The following PIP5K1C variants were observed in gnomAD, a reference collection of about 807,000 sequenced individuals.
PIP5K1C encodes phosphatidylinositol 4-phosphate 5-kinase type-1 gamma.
A neutral mutation model predicts 80.1 loss-of-function variants in PIP5K1C; 45 were observed. That is an observed-to-expected ratio of 0.56 (90% CI 0.44 to 0.72). The LOEUF (loss-of-function observed/expected upper bound fraction) is 0.72. PIP5K1C is among the 30% of genes least tolerant of loss of function. PIP5K1C has a pLI of 0.00. For synonymous variants in PIP5K1C, 498 were observed against 420.1 expected, an observed-to-expected ratio of 1.19 and a Z score of -2.27; for missense variants, 753 against 954.6, an observed-to-expected ratio of 0.79 and a Z score of 2.78.
rs2033835696 is a variant in PIP5K1C, at chr19:3,638,984, G to C, written c.1820C>G (p.Ala607Gly). 6.2e-7 allele frequency: 1 copy of C among 1,611,678 alleles called. No individual in the cohort carries two copies. The highest frequency in any genetic ancestry group is 1.3e-5 in the African/African-American group (1 of 74,852). ...CTGGCTGGCAGTTTCTACTTCAACA[G>C]CAGCAGAGGCACCGGCCGGGGAAGC... is the stretch of plus-strand genomic sequence containing the variant. ...VEASPAGASA[A>G]VEVETASQAS... is the part of the protein sequence containing the mutation. Residue 607 changes from alanine to glycine, a missense_variant, in exon 16 of 18, where the codon GCT becomes GGT. Around this residue, in one of 6 missense-constraint regions of PIP5K1C, gnomAD observed 315 missense variants for 294.5 expected, o/e 1.07. Coordinates refer to ENST00000335312, the MANE Select transcript of PIP5K1C (RefSeq NM_012398.3).
intron 5 of PIP5K1C, among the ~76,000 whole-genome samples, chr19:3,658,298 C>A (rs893332784): frequency 1.3e-5 from 2 of 152,262 alleles, no homozygotes; most frequent in East Asian, 3.8e-4. Flanking sequence ...GCTGCTTCTG[C>A]CATGGCCTGG....
At chr19:3,662,050 C>G (rs1364770454) in intron 3 of PIP5K1C, 49 bp from the exon 4 acceptor site, 4 of 1,540,466 alleles carry the variant, frequency 2.6e-6, no homozygotes, top group Non-Finnish European at 3.5e-6. Context: ...CCCACGCTGC[C>G]CTGCACCCCC....
At chr19:3,650,490 G>A (rs1261601802) in intron 8 of PIP5K1C, among the ~76,000 whole-genome samples, 2 of 152,250 alleles carry the variant, frequency 1.3e-5, no homozygotes, top group Non-Finnish European at 2.9e-5. Context: ...GTCACAACTG[G>A]GGGGTGCTCC....
intron 1 of PIP5K1C, among the ~76,000 whole-genome samples, chr19:3,677,106 TTAAAATAAAA>T (rs1190459008): frequency 2.7e-5 from 4 of 150,476 alleles, no homozygotes; most frequent in Non-Finnish European, 4.4e-5. Context: ...TGTCTTAAAA[TTAAAATAAAA>T]TAAAATAAAA....
In PIP5K1C at chr19:3,632,319, T is replaced by C. The variant is rs2033493582; in HGVS notation, c.*848A>G. 6.6e-6 allele frequency: 1 copy of C among 152,292 alleles called. No homozygotes were observed. Among genetic ancestry groups the C allele is most frequent in the Admixed American group, 6.5e-5 (1 of 15,286 alleles). The allele number at this position is 152,292 out of a possible 1,614,324, so 9.4% of individuals were successfully genotyped here. On this transcript the variant is annotated 3_prime_UTR_variant, in exon 18 of 18. Coordinates refer to ENST00000335312, the MANE Select transcript of PIP5K1C (RefSeq NM_012398.3). ...CCCGGCCTCCCGCTCTGTCCTGCCA[T>C]GGAGAAAACGTCTCCGTTGCCTGGG...
At chr19:3,647,585 C>T (rs759992130) in intron 9 of PIP5K1C, among the ~76,000 whole-genome samples, 199 bp from the exon 10 acceptor site, 3 of 152,142 alleles carry the variant, frequency 2.0e-5, no homozygotes, top group Admixed American at 1.3e-4. Flanking sequence ...GGGCCCAGGA[C>T]GGCCCCACCC....
At chr19:3,639,068 C>G in intron 15 of PIP5K1C, 52 bp from the exon 16 acceptor site, 1 of 1,595,734 alleles carries the variant, frequency 6.3e-7, no homozygotes. Context: ...CACACGGAGA[C>G]TCCCCGCGCC....
chr19:3,647,390 T>A lies in PIP5K1C; in HGVS notation c.1212-4A>T. 6.3e-7 allele frequency: 1 copy of A among 1,581,492 alleles called. No homozygotes were observed. ...GTGCTCCAGTTTCTTGATGAACCTG[T>A]GGAGAGAGCACCCGGAGTGGCAGCT... On this transcript the variant is annotated splice_polypyrimidine_tract_variant and splice_region_variant and intron_variant, in intron 9 of 17. Coordinates refer to ENST00000335312, the MANE Select transcript of PIP5K1C (RefSeq NM_012398.3).
chr19:3,646,643 C>T (rs935314329), intron 10 of PIP5K1C, among the ~76,000 whole-genome samples: 12 of 152,230 alleles, frequency 7.9e-5, no homozygotes, highest in African/African-American at 2.2e-4. Flanking sequence ...CCCTGGGCAG[C>T]AGGTTCCGGG....
intron 1 of PIP5K1C, among the ~76,000 whole-genome samples, chr19:3,698,556 A>G (rs2036197175): frequency 6.6e-6 from 1 of 152,186 alleles, no homozygotes; most frequent in Non-Finnish European, 1.5e-5. Context: ...GGGACACTGA[A>G]CGGTGTCTGG....
Position 3,683,609 on chromosome 19 carries a change from C to T in PIP5K1C, c.95-16256G>A, listed in dbSNP as rs77784385. On this transcript the variant is annotated intron_variant, in intron 1 of 17. Transcript: ENST00000335312. ...AAACTGAGGCTCAGAGAGGTCAGATCGCTTGCCTGATCATGCAGCAAAAAT... is the reference window on the plus strand; with the variant it reads ...AAACTGAGGCTCAGAGAGGTCAGATTGCTTGCCTGATCATGCAGCAAAAAT... Among the ~76,000 whole-genome samples the T allele has an allele frequency of 5.4e-3, 827 of 152,338 alleles. 4 individuals are homozygous for T. The highest frequency in any genetic ancestry group is 0.019 in the African/African-American group (799 of 41,568).
intron 5 of PIP5K1C, 96 bp downstream of exon 5, chr19:3,660,870 G>A (rs2034809290): frequency 5.3e-6 from 5 of 934,672 alleles, no homozygotes; most frequent in Non-Finnish European, 7.0e-6. Flanking sequence ...GAGGAACCCA[G>A]GGAGGCTGCC....
intron 16 of PIP5K1C, among the ~76,000 whole-genome samples, chr19:3,635,654 G>A (rs2033652208): frequency 6.6e-6 from 1 of 151,710 alleles, no homozygotes; most frequent in African/African-American, 2.4e-5. Context: ...CTGCATTCCA[G>A]CCTGGGTGAC....
chr19:3,673,186 G>A (rs1194065199), intron 1 of PIP5K1C, among the ~76,000 whole-genome samples: 3 of 152,030 alleles, frequency 2.0e-5, no homozygotes, highest in Admixed American at 6.5e-5. Flanking sequence ...CCTCCAGCAC[G>A]CCAGCGCCAC....
At chr19:3,694,723 C>T (rs1005604994) in intron 1 of PIP5K1C, among the ~76,000 whole-genome samples, 8 of 152,244 alleles carry the variant, frequency 5.3e-5, no homozygotes, top group Non-Finnish European at 7.3e-5. Flanking sequence ...GGCCTCGGCG[C>T]GACTATTCCG....
At chr19:3,682,394 T>C (rs991674649) in intron 1 of PIP5K1C, among the ~76,000 whole-genome samples, 12 of 143,268 alleles carry the variant, frequency 8.4e-5, no homozygotes, top group East Asian at 4.0e-4. Context: ...AAAAAAGGCA[T>C]TGTGGGCCAG....
chr19:3,648,772 C>T lies in PIP5K1C; in HGVS notation c.1128-64G>A, dbSNP rs1275435198. ...GAGCTGGGACTCGGGGCAGGCGGGG[C>T]TGGGGACTCCAGGGCTAGGGAGTCC... On this transcript the variant is annotated intron_variant, in intron 8 of 17. Coordinates refer to ENST00000335312, the MANE Select transcript of PIP5K1C (RefSeq NM_012398.3). This position sits in a 1 kb window ranked among gnomAD's most constrained non-coding sequence, Gnocchi z 4.3. The T allele has an allele frequency of 1.4e-6, 2 of 1,418,186 alleles. No homozygotes were observed. Among genetic ancestry groups the T allele is most frequent in the Non-Finnish European group, 2.0e-6 (2 of 1,005,190 alleles). 87.9% of individuals were successfully genotyped at this position (1,418,186 alleles called of 1,614,324 possible).
At chr19:3,694,792 C>T (rs1351220660) in intron 1 of PIP5K1C, among the ~76,000 whole-genome samples, 1 of 152,258 alleles carries the variant, frequency 6.6e-6, no homozygotes, top group South Asian at 2.1e-4. Context: ...ACAGTCACCT[C>T]CCTCCGAGTC....
At chr19:3,646,084 CG>C (rs1568319066) in intron 10 of PIP5K1C, 26 bp from the exon 11 acceptor site, 5 of 1,481,380 alleles carry the variant, frequency 3.4e-6, no homozygotes, top group Non-Finnish European at 4.7e-6. Context: ...GGGGGGTGCC[CG>C]GGGGCAGAGG....
Sources: allele counts gnomAD v4.1 joint callset (sites outside exome capture counted in the v4.1 genomes callset), GRCh38; gene constraint gnomAD v4.1.1; regional missense constraint gnomAD v4.1.1; non-coding constraint Gnocchi (gnomAD v3.1); transcripts MANE v1.5; gene names NCBI Gene and HGNC (gene_info 2026-07-23, HGNC 2026-07-21).